Variants in COL25A1 observed in about 807,000 individuals in gnomAD.
COL25A1 encodes the protein collagen type XXV alpha 1 chain.
In COL25A1, 103 loss-of-function variants were observed where a neutral mutation model predicts 128.4. That is an observed-to-expected ratio of 0.80 (90% CI 0.68 to 0.94). COL25A1 has a LOEUF of 0.94. Among genes scored for constraint, COL25A1 ranks in the 40% least tolerant of loss-of-function variants. The probability of loss-of-function intolerance (pLI) is 0.00; values close to 1 mark genes in which losing one functional copy is unlikely to be tolerated. For synonymous variants in COL25A1, 279 were observed against 277.2 expected (o/e 1.01, Z -0.06); for missense variants, 745 against 840.0 (o/e 0.89, Z 1.40).
intron 3 of COL25A1, among the ~76,000 whole-genome samples, chr4:109,078,646 T>C (rs563302513): frequency 1.3e-5 from 2 of 152,324 alleles, no homozygotes; most frequent in East Asian, 1.9e-4. Flanking sequence ...AATGTTTAAA[T>C]AGGTCTTATA....
chr4:108,962,804 G>T (rs1014977855), intron 8 of COL25A1, among the ~76,000 whole-genome samples: 7 of 152,030 alleles, frequency 4.6e-5, no homozygotes, highest in African/African-American at 1.2e-4. Flanking sequence ...ATCAATAAAG[G>T]TTTCTCTCAA....
chr4:108,973,397 T>C (rs1752107203), intron 8 of COL25A1, among the ~76,000 whole-genome samples: 2 of 152,188 alleles, frequency 1.3e-5, no homozygotes, highest in African/African-American at 2.4e-5. Flanking sequence ...ATAGCATAAC[T>C]TTTGTCTAGT....
intron 3 of COL25A1, among the ~76,000 whole-genome samples, chr4:109,295,039 T>G (rs1724838470): frequency 6.6e-6 from 1 of 152,116 alleles, no homozygotes; most frequent in African/African-American, 2.4e-5. Context: ...ATTATGGCCC[T>G]GAGAGGCTTC....
At chr4:108,924,848 T>C (rs572742647) in intron 11 of COL25A1, among the ~76,000 whole-genome samples, 26 of 152,322 alleles carry the variant, frequency 1.7e-4, no homozygotes, top group African/African-American at 6.3e-4. Flanking sequence ...TGTCTGTTCC[T>C]ATAAGGGGCT....
At chr4:108,829,451 T>A (rs182323698) in intron 32 of COL25A1, among the ~76,000 whole-genome samples, 9 of 152,054 alleles carry the variant, frequency 5.9e-5, no homozygotes, top group Admixed American at 2.0e-4. Context: ...TCTATCTGTG[T>A]GTGTGTGTGT....
rs982594197 is a variant in COL25A1 at position 108,809,908 on chromosome 4, T to C, written c.*4019A>G. 1 of 152,048 alleles carries C rather than the reference T, an allele frequency of 6.6e-6. No homozygotes were observed. Among genetic ancestry groups the C allele is most frequent in the Non-Finnish European group, 1.5e-5 (1 of 67,912 alleles). The allele number at this position is 152,048 out of a possible 1,614,324, so 9.4% of individuals were successfully genotyped here. A position where few individuals can be genotyped will look rare whatever the true frequency, so the allele number is the denominator to read the frequency against. On this transcript the variant is annotated 3_prime_UTR_variant, in exon 38 of 38. Transcript: ENST00000399132. ...ACTTATTATTTTTAGAAAGATAAGA[T>C]AGGGTTCCTAAGGACTTAACTTCCA...
chr4:108,860,775 T>G (rs985127025), intron 23 of COL25A1, 152 bp downstream of exon 23: 2 of 654,976 alleles, frequency 3.1e-6, no homozygotes, highest in Non-Finnish European at 5.3e-6. Context: ...ATAAAGGAGG[T>G]AGGGGTGTTT....
At chr4:108,971,534 G>A (rs973752521) in intron 8 of COL25A1, among the ~76,000 whole-genome samples, 2 of 152,186 alleles carry the variant, frequency 1.3e-5, no homozygotes, top group African/African-American at 4.8e-5. Flanking sequence ...CCAGAAGAGG[G>A]CAAATGGAAA....
rs557024785 is a variant in COL25A1 at position 109,237,992 on chromosome 4, A to G, written c.367+62591T>C. On this transcript the variant is annotated intron_variant, in intron 3 of 37. Transcript: ENST00000399132. ...CATCCATGTCATAGCATGTGTCAGA[A>G]TATCTTTTCTTTTTTAAGCCTATAT... Among the ~76,000 whole-genome samples, 3 of 152,192 alleles carry G rather than the reference A, an allele frequency of 2.0e-5. 1 individual carries two copies. Among genetic ancestry groups the G allele is most frequent in the African/African-American group, 7.2e-5 (3 of 41,542 alleles).
At chr4:108,888,588 CTT>C (rs1037929478) in intron 18 of COL25A1, among the ~76,000 whole-genome samples, 20 of 152,264 alleles carry the variant, frequency 1.3e-4, no homozygotes, top group African/African-American at 4.8e-4. Context: ...TGTCTTCTAA[CTT>C]ATTGCTAAAG....
intron 3 of COL25A1, among the ~76,000 whole-genome samples, chr4:109,245,783 C>T (rs1780216306): frequency 6.6e-6 from 1 of 152,074 alleles, no homozygotes; most frequent in African/African-American, 2.4e-5. Flanking sequence ...TAGGACAGAG[C>T]TTCAGTTAAT....
At chr4:108,899,311 A>T in intron 14 of COL25A1, 131 bp from the exon 15 acceptor site, 1 of 683,318 alleles carries the variant, frequency 1.5e-6, no homozygotes, top group Non-Finnish European at 2.4e-6. Flanking sequence ...GGCTACATGC[A>T]GTTGCTATAT....
intron 3 of COL25A1, among the ~76,000 whole-genome samples, chr4:109,256,082 A>G (rs928177235): frequency 1.8e-5 from 2 of 108,810 alleles, no homozygotes; most frequent in Non-Finnish European, 3.4e-5. Flanking sequence ...CATTTTAAGC[A>G]TTGGTGTGTG....
chr4:109,098,532 T>C (rs1765598787), intron 3 of COL25A1, among the ~76,000 whole-genome samples: 1 of 140,686 alleles, frequency 7.1e-6, no homozygotes, highest in African/African-American at 2.9e-5. Flanking sequence ...TATAATTCAA[T>C]TATGATCAAT....
chr4:109,260,430 G>GC (rs527365402), intron 3 of COL25A1, among the ~76,000 whole-genome samples: 4 of 152,046 alleles, frequency 2.6e-5, no homozygotes, highest in African/African-American at 4.8e-5. Flanking sequence ...CTATACCTTA[G>GC]CCCCCCTCCC....
intron 3 of COL25A1, among the ~76,000 whole-genome samples, chr4:109,250,903 C>T (rs1018761848): frequency 2.0e-5 from 3 of 152,158 alleles, no homozygotes; most frequent in African/African-American, 7.2e-5. Context: ...CAATTAAAGA[C>T]AATAACAAGG....
intron 13 of COL25A1, among the ~76,000 whole-genome samples, chr4:108,905,838 G>C (rs1194495833): frequency 6.7e-6 from 1 of 149,580 alleles, no homozygotes; most frequent in Non-Finnish European, 1.5e-5. Flanking sequence ...CTGCCAAGCT[G>C]GAGCAGTATG....
At chr4:108,869,868 G>A (rs1021805620) in intron 19 of COL25A1, among the ~76,000 whole-genome samples, 6 of 152,068 alleles carry the variant, frequency 3.9e-5, no homozygotes, top group African/African-American at 1.2e-4. Flanking sequence ...AAATATATTT[G>A]ATTTCTTTCT....
At chr4:109,010,075 C>T (rs1756430182) in intron 6 of COL25A1, among the ~76,000 whole-genome samples, 1 of 152,180 alleles carries the variant, frequency 6.6e-6, no homozygotes, top group Non-Finnish European at 1.5e-5. Context: ...TTATGTCATG[C>T]TGTCTTACAT....
Sources: allele counts gnomAD v4.1 joint callset (sites outside exome capture counted in the v4.1 genomes callset), GRCh38; gene constraint gnomAD v4.1.1; transcripts MANE v1.5; gene names NCBI Gene and HGNC (gene_info 2026-07-23, HGNC 2026-07-21).